Variants in TOMM70 observed in about 807,000 individuals in gnomAD.
TOMM70 encodes the protein translocase of outer mitochondrial membrane 70.
In TOMM70, 13 loss-of-function variants were observed where a neutral mutation model predicts 73.6. The observed-to-expected ratio is 0.18, with a 90% CI of 0.11 to 0.28. TOMM70 has a LOEUF of 0.28. Among genes scored for constraint, TOMM70 ranks in the 10% least tolerant of loss-of-function variants. The pLI is 1.00. For synonymous variants in TOMM70, 257 were observed against 271.2 expected, an observed-to-expected ratio of 0.95 and a Z score of 0.51; for missense variants, 609 against 747.5, an observed-to-expected ratio of 0.81 and a Z score of 2.16.
At chr3:100,369,201 A>T (rs1196944846) in intron 9 of TOMM70, 66 bp from the exon 10 acceptor site, 3 of 1,085,286 alleles carry the variant, frequency 2.8e-6, no homozygotes, top group South Asian at 2.9e-5. Flanking sequence ...AAGTATACTT[A>T]TTATTCATTA....
intron 11 of TOMM70, among the ~76,000 whole-genome samples, chr3:100,366,876 T>TC (rs1158596211): frequency 2.0e-5 from 3 of 152,366 alleles, no homozygotes; most frequent in African/African-American, 7.2e-5. Context: ...TACCACCCTA[T>TC]CCTATTCTAG....
chr3:100,381,820 G>A (rs1706637089), intron 4 of TOMM70, 57 bp from the exon 5 acceptor site: 5 of 1,491,426 alleles, frequency 3.4e-6, no homozygotes, highest in Admixed American at 2.0e-5. Context: ...CAAAGAAGCA[G>A]GTACATTGTA....
chr3:100,391,067 G>C (rs1706754745), intron 1 of TOMM70, among the ~76,000 whole-genome samples: 1 of 152,124 alleles, frequency 6.6e-6, no homozygotes, highest in East Asian at 1.9e-4. Context: ...TGTGAACCTG[G>C]GAGGCGGCGC....
chr3:100,395,475 G>A (rs1175758357), intron 1 of TOMM70, among the ~76,000 whole-genome samples: 1 of 150,124 alleles, frequency 6.7e-6, no homozygotes, highest in Non-Finnish European at 1.5e-5. Context: ...CCCAGGAGGC[G>A]GATGTTGCGG....
At chr3:100,370,752 T>G (rs1706500705) in intron 9 of TOMM70, among the ~76,000 whole-genome samples, 1 of 152,182 alleles carries the variant, frequency 6.6e-6, no homozygotes, top group African/African-American at 2.4e-5. Flanking sequence ...AAAAGAAATT[T>G]GAGTGCAAAC....
chr3:100,369,270 T>C, intron 9 of TOMM70, 135 bp from the exon 10 acceptor site: 1 of 649,500 alleles, frequency 1.5e-6, no homozygotes, highest in Non-Finnish European at 2.7e-6. Context: ...ACAGACTGAT[T>C]TACATTTTAC....
At chr3:100,382,574 C>T (rs1706644796) in intron 4 of TOMM70, among the ~76,000 whole-genome samples, 1 of 152,134 alleles carries the variant, frequency 6.6e-6, no homozygotes, top group African/African-American at 2.4e-5. Context: ...ATATGCCTAA[C>T]TTTAGTACTT....
chr3:100,387,122 T>A (rs1296800029), intron 1 of TOMM70, 144 bp from the exon 2 acceptor site: 4 of 839,112 alleles, frequency 4.8e-6, no homozygotes, highest in Non-Finnish European at 5.5e-6. Flanking sequence ...CTTCATGGAA[T>A]AGATTCTAAC....
chr3:100,392,312 T>A (rs1470970318), intron 1 of TOMM70, among the ~76,000 whole-genome samples: 2 of 150,356 alleles, frequency 1.3e-5, no homozygotes, highest in East Asian at 4.0e-4. Flanking sequence ...CACACACACA[T>A]AAATCCAATA....
intron 11 of TOMM70, 41 bp from the exon 12 acceptor site, chr3:100,365,758 C>A (rs368946911): frequency 6.2e-7 from 1 of 1,608,460 alleles, no homozygotes; most frequent in Non-Finnish European, 8.5e-7. Context: ...TCAACAAGCA[C>A]TTCACAATAT....
At position 100,393,475 on chromosome 3, in the gene TOMM70, A is replaced by T. The variant is rs184512476; in HGVS notation, c.325-6497T>A. ...GGGGTGGCAGAGCATGTAAGTGATT[A>T]AAAAAAAACTACATATTGGGTACAA... is the stretch of plus-strand genomic sequence containing the variant. On this transcript the variant is annotated intron_variant, in intron 1 of 11. Coordinates refer to ENST00000284320, the MANE Select transcript of TOMM70 (RefSeq NM_014820.5). Among the ~76,000 whole-genome samples the T allele has an allele frequency of 6.0e-3, 729 of 120,734 alleles. 8 individuals are homozygous for T. The highest frequency in any genetic ancestry group is 0.024 in the African/African-American group (575 of 24,448). The allele number at this position is 120,734 out of a possible 152,430, so 79.2% of individuals were successfully genotyped here.
chr3:100,366,663 A>G (rs1397475264), intron 11 of TOMM70, among the ~76,000 whole-genome samples: 2 of 152,246 alleles, frequency 1.3e-5, no homozygotes, highest in African/African-American at 4.8e-5. Context: ...CTGCAATTTC[A>G]TTTATTCAAA....
In TOMM70 at chr3:100,400,921, G is replaced by A. The variant is rs1197628299; in HGVS notation, c.29C>T (p.Ala10Val). The A allele has an allele frequency of 2.6e-6, 4 of 1,531,572 alleles. No individual in the cohort carries two copies. The highest frequency in any genetic ancestry group is 1.2e-5 in the South Asian group (1 of 83,910). 94.9% of individuals were successfully genotyped at this position (1,531,572 alleles called of 1,614,324 possible). The change falls in exon 1 of 12, where the codon GCG becomes GTG. Residue 10 changes from alanine (A) to valine (V), a missense_variant. Ala to Val is a moderately conservative substitution (Grantham distance 64, BLOSUM62 0). Around this residue, in one of 2 missense-constraint regions of TOMM70, gnomAD observed 177 missense variants for 163.5 expected, o/e 1.08. Coordinates refer to ENST00000284320, the MANE Select transcript of TOMM70 (RefSeq NM_014820.5). MAASKPVEA[A>V]VVAAAVPSSG... ...GCTCGGTACAGCGGCTGCGACCACCGCTGCCTCCACAGGTTTAGAGGCGGC... is the reference window on the plus strand; with the variant it reads ...GCTCGGTACAGCGGCTGCGACCACCACTGCCTCCACAGGTTTAGAGGCGGC...
chr3:100,369,344 C>A (rs1706483469), intron 9 of TOMM70, among the ~76,000 whole-genome samples: 1 of 152,112 alleles, frequency 6.6e-6, no homozygotes, highest in Non-Finnish European at 1.5e-5. Context: ...TATCCTCTTT[C>A]TTCAGCAAGT....
intron 5 of TOMM70, among the ~76,000 whole-genome samples, chr3:100,381,411 T>A (rs1444291326): frequency 6.6e-6 from 1 of 152,118 alleles, no homozygotes; most frequent in Non-Finnish European, 1.5e-5. Context: ...AACCCTGAGT[T>A]ACCAGAGAAG....
rs1218789281 is a variant in TOMM70 at position 100,372,600 on chromosome 3, A to G, written c.1452+6T>C. ...TTATTTTTAAAAAACCTGAAAAAACATTTACCTGGGCGTATAGTGCATAGC... is the reference window on the plus strand; with the variant it reads ...TTATTTTTAAAAAACCTGAAAAAACGTTTACCTGGGCGTATAGTGCATAGC... On this transcript the variant is annotated splice_donor_region_variant and intron_variant, in intron 9 of 11. Transcript: ENST00000284320. 2 of 1,596,082 alleles carry G rather than the reference A, an allele frequency of 1.3e-6. No homozygotes were observed. The highest frequency in any genetic ancestry group is 2.7e-5 in the African/African-American group (2 of 73,844).
chr3:100,368,890 G>A (rs1706478385), intron 10 of TOMM70, 148 bp downstream of exon 10: 1 of 599,912 alleles, frequency 1.7e-6, no homozygotes. Flanking sequence ...ACTAATTTCT[G>A]TAAGAATGAA....
rs1167450188 is a variant in TOMM70 at position 100,372,638 on chromosome 3, T to C, written c.1420A>G (p.Arg474Gly). Residue 474 changes from arginine (R) to glycine (G), a missense_variant, in exon 9 of 12, where the codon AGG becomes GGG. Around this residue, in one of 2 missense-constraint regions of TOMM70, gnomAD observed 432 missense variants for 584.1 expected, o/e 0.74. Transcript: ENST00000284320. Reference sequence around the variant, plus strand: ...TATAGTGCATAGCCTTCGGCACACCTTGGAAATTTCTTTATGACCTCTTCA... The same window carrying C: ...TATAGTGCATAGCCTTCGGCACACCCTGGAAATTTCTTTATGACCTCTTCA... ...GFEEVIKKFP[R>G]CAEGYALYAQ... 6 of 1,614,130 alleles carry C rather than the reference T, an allele frequency of 3.7e-6. No individual in the cohort carries two copies. The East Asian group carries it at 6.7e-5, about 18-fold the overall frequency.
chr3:100,400,734 G>C lies in TOMM70; in HGVS notation c.216C>G (p.Gly72=), dbSNP rs749745081. The C allele has an allele frequency of 5.0e-6, 8 of 1,605,044 alleles. No individual in the cohort carries two copies. The highest frequency in any genetic ancestry group is 2.2e-5 in the South Asian group (2 of 90,200). ...TGTTGCGCTTCAGGCCGCTGGCGTCGCCCCGGCCTCTGGCCTCCCGGCGCC... is the reference window on the plus strand; with the variant it reads ...TGTTGCGCTTCAGGCCGCTGGCGTCCCCCCGGCCTCTGGCCTCCCGGCGCC... ...QQRRREARGR[G]DASGLKRNSE... is the part of the protein sequence containing the mutation. Residue 72 remains glycine, a synonymous_variant, in exon 1 of 12, where the codon GGC becomes GGG. Coordinates refer to ENST00000284320, the MANE Select transcript of TOMM70 (RefSeq NM_014820.5).
Sources: allele counts gnomAD v4.1 joint callset (sites outside exome capture counted in the v4.1 genomes callset), GRCh38; gene constraint gnomAD v4.1.1; regional missense constraint gnomAD v4.1.1; transcripts MANE v1.5; gene names NCBI Gene and HGNC (gene_info 2026-07-23, HGNC 2026-07-21).